Variants in FAR1 observed in about 807,000 individuals in gnomAD.
FAR1 encodes male sterility domain-containing protein 2.
In FAR1, 22 loss-of-function variants were observed where a neutral mutation model predicts 61.1. That is an observed-to-expected ratio of 0.36 (90% CI 0.26 to 0.51). FAR1 has a LOEUF of 0.51. FAR1 is among the 20% of genes least tolerant of loss of function. The pLI is 0.95. For missense variants in FAR1, 359 were observed against 626.9 expected, an observed-to-expected ratio of 0.57 and a Z score of 4.56; for synonymous variants, 206 against 209.7, an observed-to-expected ratio of 0.98 and a Z score of 0.15.
At chr11:13,676,389 T>C (rs1471451628) in intron 1 of FAR1, among the ~76,000 whole-genome samples, 1 of 152,192 alleles carries the variant, frequency 6.6e-6, no homozygotes, top group Non-Finnish European at 1.5e-5. Flanking sequence ...AATACCTTTT[T>C]TTCCCCCAGA....
rs973743036 is a variant in FAR1 at position 13,714,672 on chromosome 11, A to C, written c.1119A>C (p.Arg373Ser). 5.6e-6 allele frequency: 9 copies of C among 1,609,438 alleles called. No individual in the cohort carries two copies. Among genetic ancestry groups the C allele is most frequent in the Non-Finnish European group, 7.6e-6 (9 of 1,178,092 alleles). Residue 373 changes from arginine to serine, a missense_variant, in exon 9 of 12, where the codon AGA becomes AGC. Coordinates refer to ENST00000354817, the MANE Select transcript of FAR1 (RefSeq NM_032228.6). Reference protein sequence around the residue: ...LYDIYLRMTGRSPRMMKTITR... With the variant: ...LYDIYLRMTGSSPRMMKTITR... ...ATATCTACCTCAGGATGACTGGAAG[A>C]AGCCCAAGGTAATGGTGACTAGCTC...
chr11:13,702,617 T>C (rs1848388860), intron 3 of FAR1, among the ~76,000 whole-genome samples: 2 of 152,210 alleles, frequency 1.3e-5, no homozygotes, highest in Admixed American at 1.3e-4. Flanking sequence ...AAGTCGATTT[T>C]TTCCCCCATA....
intron 1 of FAR1, among the ~76,000 whole-genome samples, chr11:13,669,884 T>TA (rs5789795): frequency 2.7e-4 from 41 of 150,764 alleles, no homozygotes; most frequent in African/African-American, 5.6e-4. Flanking sequence ...TTCTTTATGT[T>TA]AAAAAAAAAA....
intron 10 of FAR1, among the ~76,000 whole-genome samples, chr11:13,726,095 G>C (rs2134202653): frequency 6.6e-6 from 1 of 152,100 alleles, no homozygotes; most frequent in Non-Finnish European, 1.5e-5. Context: ...TTCTCTGATA[G>C]TGAAGGATCA....
At chr11:13,727,517 TAGTCAAGAAAATAATC>T in intron 10 of FAR1, 23 bp from the exon 11 acceptor site, 1 of 1,556,224 alleles carries the variant, frequency 6.4e-7, no homozygotes, top group African/African-American at 1.4e-5. Context: ...TGAGAAAAAT[TAGTCAAGAAAATAATC>T]AGTAATTTTT....
At chr11:13,693,598 T>A (rs1269830724) in intron 1 of FAR1, among the ~76,000 whole-genome samples, 1 of 152,204 alleles carries the variant, frequency 6.6e-6, no homozygotes, top group African/African-American at 2.4e-5. Context: ...CTTGATTTCC[T>A]TATGATTTAG....
chr11:13,704,943 A>G (rs1848417268), intron 3 of FAR1, among the ~76,000 whole-genome samples: 1 of 152,216 alleles, frequency 6.6e-6, no homozygotes, highest in African/African-American at 2.4e-5. Context: ...TGTTATGCCA[A>G]GTATGAGAAC....
chr11:13,672,334 G>A (rs1210740821), intron 1 of FAR1, among the ~76,000 whole-genome samples: 1 of 151,328 alleles, frequency 6.6e-6, no homozygotes, highest in African/African-American at 2.4e-5. Flanking sequence ...CAGACCGCCT[G>A]AGCTCAAGAG....
intron 9 of FAR1, among the ~76,000 whole-genome samples, chr11:13,717,123 G>T (rs1848565249): frequency 6.6e-6 from 1 of 151,900 alleles, no homozygotes; most frequent in Non-Finnish European, 1.5e-5. Flanking sequence ...AAGGACAGTT[G>T]CTTCTTCCCC....
At chr11:13,724,827 T>G (rs776985547) in intron 10 of FAR1, among the ~76,000 whole-genome samples, 1 of 152,192 alleles carries the variant, frequency 6.6e-6, no homozygotes, top group Non-Finnish European at 1.5e-5. Flanking sequence ...ACTAGCCATA[T>G]TAAAAGTGCC....
intron 3 of FAR1, among the ~76,000 whole-genome samples, chr11:13,702,429 C>T (rs537214334): frequency 6.6e-6 from 1 of 152,096 alleles, no homozygotes; most frequent in South Asian, 2.1e-4. Flanking sequence ...GGGACTGATA[C>T]CCTCATCAAC....
chr11:13,698,584 G>A (rs780709267), intron 2 of FAR1, among the ~76,000 whole-genome samples: 3 of 152,008 alleles, frequency 2.0e-5, no homozygotes, highest in African/African-American at 4.8e-5. Flanking sequence ...TAATCCCAGC[G>A]CTTTGGGAGG....
intron 9 of FAR1, among the ~76,000 whole-genome samples, chr11:13,716,729 T>G (rs1848561412): frequency 6.6e-6 from 1 of 152,202 alleles, no homozygotes; most frequent in Non-Finnish European, 1.5e-5. Flanking sequence ...TAGTTACAAG[T>G]GAGTCACAAA....
chr11:13,680,665 T>C (rs1848117489), intron 1 of FAR1, among the ~76,000 whole-genome samples: 1 of 152,044 alleles, frequency 6.6e-6, no homozygotes, highest in East Asian at 1.9e-4. Flanking sequence ...CAACAGCCAG[T>C]TCTTGTGGCT....
chr11:13,719,209 G>A (rs1401318773), intron 9 of FAR1, among the ~76,000 whole-genome samples: 3 of 152,118 alleles, frequency 2.0e-5, no homozygotes, highest in East Asian at 1.9e-4. Flanking sequence ...AATAGGAAAC[G>A]TTAAGGAAAC....
chr11:13,678,890 A>G (rs1404367976), intron 1 of FAR1, among the ~76,000 whole-genome samples: 1 of 152,220 alleles, frequency 6.6e-6, no homozygotes, highest in Non-Finnish European at 1.5e-5. Context: ...CAAGATTCAG[A>G]AGGCAGCCAT....
intron 1 of FAR1, among the ~76,000 whole-genome samples, chr11:13,672,125 T>G (rs972723245): frequency 6.6e-6 from 1 of 152,132 alleles, no homozygotes; most frequent in Non-Finnish European, 1.5e-5. Context: ...AATGAAGATA[T>G]TAATGTTTGG....
At chr11:13,680,167 C>T (rs1031744810) in intron 1 of FAR1, among the ~76,000 whole-genome samples, 1 of 152,084 alleles carries the variant, frequency 6.6e-6, no homozygotes, top group African/African-American at 2.4e-5. Context: ...AAAAAGGAAC[C>T]CACTGTTATT....
Position 13,670,714 on chromosome 11 carries a change from G to GTTT in FAR1, c.-8+1921_-8+1923dup, listed in dbSNP as rs58418636. On this transcript the variant is annotated intron_variant, in intron 1 of 11. Transcript: ENST00000354817. ...AATTTTGTAGCTAAGTAGCTTGAGG[G>GTTT]TTTTTTTTTTTTTTTCACTCAGGAA... Among the ~76,000 whole-genome samples, 40 of 136,718 alleles carry GTTT rather than the reference G, an allele frequency of 2.9e-4. 1 individual carries two copies. In the South Asian group the frequency reaches 7.0e-3, roughly 24 times the overall value. The allele number at this position is 136,718 out of a possible 152,430, so 89.7% of individuals were successfully genotyped here. A position where few individuals can be genotyped will look rare whatever the true frequency, so the allele number is the denominator to read the frequency against.
Sources: allele counts gnomAD v4.1 joint callset (sites outside exome capture counted in the v4.1 genomes callset), GRCh38; gene constraint gnomAD v4.1.1; transcripts MANE v1.5; gene names NCBI Gene and HGNC (gene_info 2026-07-23, HGNC 2026-07-21).